The following SYNE2 variants were observed in gnomAD, a reference collection of about 807,000 sequenced individuals.
The protein encoded by SYNE2 is nesprin-2.
In SYNE2, 431 loss-of-function variants were observed where a neutral mutation model predicts 856.3. The ratio of observed to expected loss-of-function variants is 0.50; its 90% CI spans 0.47 to 0.55. The LOEUF (loss-of-function observed/expected upper bound fraction) is 0.55. Ranked by LOEUF, SYNE2 falls within the 20% of genes least tolerant of loss-of-function variation. The pLI is 0.00. For missense variants in SYNE2, 8,129 were observed against 8,023.2 expected (o/e 1.01, Z -0.50); for synonymous variants, 2,923 against 2,872.3 (o/e 1.02, Z -0.56).
In SYNE2 at chr14:64,164,878, G is replaced by T. The variant is rs957482524; in HGVS notation, c.16480-407G>T. 7.7e-4 allele frequency among the ~76,000 whole-genome samples: 110 copies of T among 143,212 alleles called. 2 individuals carry two copies. The highest frequency in any genetic ancestry group is 7.1e-3 in the Middle Eastern group (2 of 280). 94.0% of individuals were successfully genotyped at this position (143,212 alleles called of 152,430 possible). On this transcript the variant is annotated intron_variant, in intron 89 of 115. Transcript: ENST00000555002. ...TTTTTTTTATTTTTTGTTTTTTTTT[G>T]TTTGTTTGTTTGTTTGTTTGAGACA...
At chr14:64,202,037 G>A (rs535946831) in intron 99 of SYNE2, 46 of 607,292 alleles carry the variant, frequency 7.6e-5, no homozygotes, top group East Asian at 4.2e-4. Flanking sequence ...GCATGTGGAC[G>A]TGCACGCCAA....
intron 1 of SYNE2, among the ~76,000 whole-genome samples, chr14:63,896,455 G>C (rs757073289): frequency 6.6e-6 from 1 of 152,222 alleles, no homozygotes; most frequent in African/African-American, 2.4e-5. Flanking sequence ...CAACATCCAG[G>C]AATGGGTGGA....
chr14:64,110,588 A>ACCCCCCCCCC (rs11315645), intron 65 of SYNE2, among the ~76,000 whole-genome samples: 21 of 75,366 alleles, frequency 2.8e-4, no homozygotes, highest in South Asian at 5.2e-4. Context: ...TACTTTTTAC[A>ACCCCCCCCCC]CCCCCCCCCC....
chr14:64,145,845 G>T (rs965288262), intron 83 of SYNE2, among the ~76,000 whole-genome samples: 1 of 152,100 alleles, frequency 6.6e-6, no homozygotes, highest in Non-Finnish European at 1.5e-5. Flanking sequence ...ACCTTTCTCA[G>T]CAGATTAGCT....
intron 45 of SYNE2, among the ~76,000 whole-genome samples, chr14:64,032,142 G>T (rs949710725): frequency 6.6e-6 from 1 of 152,164 alleles, no homozygotes; most frequent in Non-Finnish European, 1.5e-5. Flanking sequence ...TATTGTCTCC[G>T]TAGAATAGAA....
intron 51 of SYNE2, among the ~76,000 whole-genome samples, chr14:64,068,334 C>G (rs2097373733): frequency 6.6e-6 from 1 of 152,158 alleles, no homozygotes; most frequent in Non-Finnish European, 1.5e-5. Context: ...TGTTTCTGTT[C>G]TCATAGTATT....
Position 64,087,744 on chromosome 14 carries a change from T to G in SYNE2, c.11558T>G (p.Ile3853Arg). The G allele has an allele frequency of 6.2e-7, 1 of 1,614,182 alleles. No individual in the cohort carries two copies. The highest frequency in any genetic ancestry group is 8.5e-7 in the Non-Finnish European group (1 of 1,180,022). ...SIFMDLEDLSIIFETDELTQS... is the reference protein window; with the variant it reads ...SIFMDLEDLSRIFETDELTQS... ...TTTATGGATCTAGAAGACCTGTCAA[T>G]AATTTTTGAAACAGATGAATTAACC... Residue 3853 changes from isoleucine (I) to arginine (R), a missense_variant, in exon 58 of 116, where the codon ATA (isoleucine) becomes AGA (arginine). This residue lies in a region of SYNE2 where 5,410 missense variants were observed against 5,284.8 expected (regional missense o/e 1.02). Transcript: ENST00000555002.
intron 11 of SYNE2, among the ~76,000 whole-genome samples, chr14:63,970,643 T>C (rs1351252402): frequency 2.1e-5 from 3 of 140,668 alleles, no homozygotes; most frequent in Non-Finnish European, 4.5e-5. Flanking sequence ...TTTTTTCTTT[T>C]CTTTTTTCTT....
At chr14:63,824,476 T>A (rs1889341891) in intron 1 of SYNE2, among the ~76,000 whole-genome samples, 1 of 150,740 alleles carries the variant, frequency 6.6e-6, no homozygotes, top group South Asian at 2.1e-4. Context: ...CTATCTCTAT[T>A]AAAAACACAA....
At chr14:63,841,431 C>G (rs1890062988) in intron 1 of SYNE2, among the ~76,000 whole-genome samples, 1 of 152,184 alleles carries the variant, frequency 6.6e-6, no homozygotes, top group Non-Finnish European at 1.5e-5. Flanking sequence ...ATTTGCAAAC[C>G]CTAAGATAAA....
At position 63,972,178 on chromosome 14, in the gene SYNE2, G is replaced by T. The variant is rs530359254; in HGVS notation, c.1128+4332G>T. ...ATTGTCAGTTTCTATTCTGATCACC[G>T]CTTTGAAACGGACTCTTGTGAAGGA... On this transcript the variant is annotated intron_variant, in intron 11 of 115. Coordinates refer to ENST00000555002, the MANE Select transcript of SYNE2 (RefSeq NM_182914.3). Among the ~76,000 whole-genome samples, 102 of 152,220 alleles carry T rather than the reference G, an allele frequency of 6.7e-4. 1 individual carries two copies. Among genetic ancestry groups the T allele is most frequent in the Non-Finnish European group, 1.3e-3 (88 of 68,014 alleles).
chr14:64,122,174 A>C, intron 69 of SYNE2, 41 bp downstream of exon 69: 1 of 1,614,208 alleles, frequency 6.2e-7, no homozygotes, highest in Non-Finnish European at 8.5e-7. Context: ...CAGTGGTTTT[A>C]TGACTGGGAG....
intron 45 of SYNE2, among the ~76,000 whole-genome samples, chr14:64,037,966 G>C (rs1245337224): frequency 6.6e-6 from 1 of 151,924 alleles, no homozygotes; most frequent in Non-Finnish European, 1.5e-5. Flanking sequence ...CCTCCCGGAC[G>C]GGGCGGCTGC....
At chr14:64,124,288 G>A (rs1595684915) in intron 70 of SYNE2, among the ~76,000 whole-genome samples, 2 of 152,132 alleles carry the variant, frequency 1.3e-5, no homozygotes, top group South Asian at 4.1e-4. Context: ...GAACTCCTGG[G>A]CTCAAACGAT....
At position 64,119,537 on chromosome 14, in the gene SYNE2, G is replaced by A. The variant is rs1240906913; in HGVS notation, c.12951G>A (p.Leu4317=). The stretch of plus-strand genomic sequence containing the variant: ...AACATGAGGCTGAAGCGCTTTCCCT[G>A]AAACTGAAAACAGTGAAGTGCAATT... ...ATQHEAEALS[L]KLKTVKCNLE... Residue 4317 remains leucine, a synonymous_variant, in exon 67 of 116, where the codon CTG becomes CTA. Coordinates refer to ENST00000555002, the MANE Select transcript of SYNE2 (RefSeq NM_182914.3). 2.5e-6 allele frequency: 4 copies of A among 1,614,062 alleles called. No homozygotes were observed. The African/African-American group carries it at 4.0e-5, about 16-fold the overall frequency.
intron 99 of SYNE2, among the ~76,000 whole-genome samples, chr14:64,194,048 A>G (rs2098529853): frequency 6.6e-6 from 1 of 152,116 alleles, no homozygotes; most frequent in Non-Finnish European, 1.5e-5. Flanking sequence ...GGGAGCTTTT[A>G]AAAGTCCTCA....
At chr14:64,223,065 T>C in intron 112 of SYNE2, 124 bp from the exon 113 acceptor site, 2 of 923,022 alleles carry the variant, frequency 2.2e-6, no homozygotes, top group Non-Finnish European at 3.5e-6. Flanking sequence ...AAATAGAGGA[T>C]TCTCGAGTTG....
chr14:64,185,797 A>AG (rs2098486534), intron 96 of SYNE2, among the ~76,000 whole-genome samples: 1 of 152,206 alleles, frequency 6.6e-6, no homozygotes, highest in Non-Finnish European at 1.5e-5. Context: ...CTGGGATTAC[A>AG]GGTGTGAGCC....
intron 49 of SYNE2, among the ~76,000 whole-genome samples, chr14:64,057,455 AT>A (rs909190811): frequency 6.1e-5 from 9 of 148,692 alleles, no homozygotes; most frequent in South Asian, 2.1e-4. Flanking sequence ...ACAGGATTTC[AT>A]TTTTTTTTAA....
Sources: gnomAD v4.1 joint callset for allele counts (sites outside exome capture counted in the v4.1 genomes callset) on GRCh38, gnomAD v4.1.1 for gene constraint, gnomAD v4.1.1 regional missense constraint, MANE v1.5 for transcripts, NCBI Gene and HGNC (gene_info 2026-07-23, HGNC 2026-07-21) for gene names.